Variants in FGF13 observed in about 807,000 individuals in gnomAD.
The protein encoded by FGF13 is fibroblast growth factor 13.
FGF13 carries 2 observed loss-of-function variants against 19.5 expected under a neutral mutation model. That is an observed-to-expected ratio of 0.10 (90% CI 0.04 to 0.32). The LOEUF (loss-of-function observed/expected upper bound fraction) is 0.32. Among genes scored for constraint, FGF13 ranks in the 10% least tolerant of loss-of-function variants. The pLI is 1.00. For synonymous variants in FGF13, 72 were observed against 76.9 expected (o/e 0.94, Z 0.33); for missense variants, 113 against 192.7 (o/e 0.59, Z 2.45).
chrX:138,821,254 T>C (rs1236323862), intron 3 of FGF13, among the ~76,000 whole-genome samples: 1 of 111,870 alleles, frequency 8.9e-6, no homozygotes, highest in Non-Finnish European at 1.9e-5. Flanking sequence ...TCCAAGATGG[T>C]GTCCACTAGC....
At position 138,618,222 on chromosome X, in the gene FGF13, G is replaced by C. The variant is rs767885362; in HGVS notation, c.*14628C>G. The C allele has an allele frequency of 9.0e-6, 1 of 111,020 alleles. No individual in the cohort carries two copies. Among genetic ancestry groups the C allele is most frequent in the African/African-American group, 3.3e-5 (1 of 30,466 alleles). The allele number at this position is 111,020 out of a possible 1,213,427, so 9.1% of individuals were successfully genotyped here. A position where few individuals can be genotyped will look rare whatever the true frequency, so the allele number is the denominator to read the frequency against. ...AGAATAGGCACATTGAAAAGAACCAGAAAATAGTTTCACTACTTATGTCAA... is the reference window on the plus strand; with the variant it reads ...AGAATAGGCACATTGAAAAGAACCACAAAATAGTTTCACTACTTATGTCAA... On this transcript the variant is annotated 3_prime_UTR_variant, in exon 5 of 5. Transcript: ENST00000315930.
chrX:138,685,803 T>C (rs1348034194), intron 3 of FGF13, among the ~76,000 whole-genome samples: 1 of 110,638 alleles, frequency 9.0e-6, no homozygotes, highest in Non-Finnish European at 1.9e-5. Flanking sequence ...TTCCCTCAGA[T>C]GAGATCCCCC....
intron 3 of FGF13, among the ~76,000 whole-genome samples, chrX:138,690,849 T>A (rs1413264319): frequency 9.0e-6 from 1 of 111,675 alleles, no homozygotes; most frequent in African/African-American, 3.3e-5. Context: ...TGAAACAGTT[T>A]ATGCTGATCC....
At chrX:138,806,485 C>T (rs1399839502) in intron 3 of FGF13, 3 of 112,784 alleles carry the variant, frequency 2.7e-5, no homozygotes, top group Non-Finnish European at 5.6e-5. Flanking sequence ...CTGCTACAAA[C>T]AGCTGGGTGA....
At chrX:138,903,533 C>A (rs920824994) in intron 1 of FGF13, among the ~76,000 whole-genome samples, 3 of 111,533 alleles carry the variant, frequency 2.7e-5, no homozygotes, top group African/African-American at 9.8e-5. Context: ...AGTCTCCAAA[C>A]CCCAACAAGT....
At chrX:138,675,149 C>G (rs1161901809) in intron 3 of FGF13, among the ~76,000 whole-genome samples, 1 of 111,814 alleles carries the variant, frequency 8.9e-6, no homozygotes, top group Non-Finnish European at 1.9e-5. Context: ...GTTTACGTTT[C>G]TATCAGTTTG....
chrX:138,808,510 C>T (rs752415662), intron 3 of FGF13, among the ~76,000 whole-genome samples: 30 of 110,868 alleles, frequency 2.7e-4, no homozygotes, highest in Non-Finnish European at 4.7e-4. Context: ...AAATTGACAC[C>T]CTAACATCAC....
At chrX:139,009,781 T>G (rs1483349638) in intron 1 of FGF13, among the ~76,000 whole-genome samples, 1 of 111,712 alleles carries the variant, frequency 9.0e-6, no homozygotes, top group Non-Finnish European at 1.9e-5. Flanking sequence ...AATAGCATGT[T>G]GAATAGAATA....
intron 1 of FGF13, among the ~76,000 whole-genome samples, chrX:139,149,500 TG>T (rs1307962525): frequency 1.8e-5 from 2 of 112,378 alleles, no homozygotes; most frequent in African/African-American, 6.5e-5. Context: ...GAAAGAAAAC[TG>T]TGTTTAAGTT....
chrX:138,752,147 C>G (rs778684756), intron 3 of FGF13, among the ~76,000 whole-genome samples: 1 of 111,895 alleles, frequency 8.9e-6, no homozygotes, highest in East Asian at 2.8e-4. Flanking sequence ...ATATGGACGG[C>G]CAGGCGCGGT....
chrX:139,026,893 T>G (rs925871776), intron 1 of FGF13, among the ~76,000 whole-genome samples: 1 of 112,229 alleles, frequency 8.9e-6, no homozygotes, highest in Non-Finnish European at 1.9e-5. Context: ...CAGTGGCAGA[T>G]GGACTGGATA....
At chrX:139,181,651 T>C (rs2084239052) in intron 1 of FGF13, among the ~76,000 whole-genome samples, 1 of 112,584 alleles carries the variant, frequency 8.9e-6, no homozygotes, top group Admixed American at 9.4e-5. Flanking sequence ...CATGACACTA[T>C]GCTTGAATTA....
chrX:138,695,375 C>T (rs1202238816), intron 3 of FGF13, among the ~76,000 whole-genome samples: 3 of 111,649 alleles, frequency 2.7e-5, no homozygotes, highest in African/African-American at 9.8e-5. Flanking sequence ...GTAACTGACC[C>T]TAGACTGGAT....
intron 1 of FGF13, among the ~76,000 whole-genome samples, chrX:138,865,471 CTCCT>C (rs375271878): frequency 0.014 from 1,255 of 87,736 alleles, 28 homozygotes; most frequent in African/African-American, 0.063. Flanking sequence ...CTCTCTCTCT[CTCCT>C]CTCTCTCTCT....
chrX:138,892,000 A>ATGTGTGTGTGTGTGTGTGTG (rs200883636), intron 1 of FGF13, among the ~76,000 whole-genome samples: 48 of 46,943 alleles, frequency 1.0e-3, no homozygotes, highest in African/African-American at 3.4e-3. Flanking sequence ...CTATATATAC[A>ATGTGTGTGTGTGTGTGTGTG]TATGTGTGTG....
At chrX:139,015,306 T>C (rs996495144) in intron 1 of FGF13, among the ~76,000 whole-genome samples, 1 of 111,006 alleles carries the variant, frequency 9.0e-6, no homozygotes, top group African/African-American at 3.3e-5. Context: ...TAATCTTACA[T>C]TTGGAAAAAC....
At chrX:138,841,086 C>G (rs942857657) in intron 3 of FGF13, among the ~76,000 whole-genome samples, 1 of 110,936 alleles carries the variant, frequency 9.0e-6, no homozygotes, top group Non-Finnish European at 1.9e-5. Context: ...TCGATCTCCC[C>G]ATTTTCTAAT....
chrX:139,012,093 A>C (rs2124374557), intron 1 of FGF13, among the ~76,000 whole-genome samples: 1 of 111,445 alleles, frequency 9.0e-6, no homozygotes, highest in East Asian at 2.8e-4. Context: ...CTTTCACAAT[A>C]GCTGAAAAAA....
chrX:139,033,612 C>T (rs2064593938), intron 1 of FGF13, among the ~76,000 whole-genome samples: 1 of 111,703 alleles, frequency 9.0e-6, no homozygotes, highest in South Asian at 3.7e-4. Flanking sequence ...GCTTACAAGG[C>T]AATAATCAAA....
Sources: gnomAD v4.1 joint callset for allele counts (sites outside exome capture counted in the v4.1 genomes callset) on GRCh38, gnomAD v4.1.1 for gene constraint, MANE v1.5 for transcripts, NCBI Gene and HGNC (gene_info 2026-07-23, HGNC 2026-07-21) for gene names.